ZFAT: variants seen among roughly 807,000 people sequenced by gnomAD.
ZFAT encodes the protein zinc finger protein ZFAT.
ZFAT carries 64 observed loss-of-function variants against 117.7 expected under a neutral mutation model. The ratio of observed to expected loss-of-function variants is 0.54; its 90% CI spans 0.44 to 0.67. ZFAT has a LOEUF of 0.67. ZFAT is among the 30% of genes least tolerant of loss of function. The pLI is 0.00. For synonymous variants in ZFAT, 679 were observed against 615.0 expected (o/e 1.10, Z -1.54); for missense variants, 1,433 against 1,584.5 (o/e 0.90, Z 1.62).
In ZFAT at chr8:134,565,387, T is replaced by G. The variant is rs753397896; in HGVS notation, c.2922A>C (p.Thr974=). Residue 974 remains threonine (T), a synonymous_variant, in exon 11 of 16, where the codon ACA becomes ACC. Transcript: ENST00000377838. ...KQFKCTVCDY[T]AAQKPQLLRH... ...GCAGCAGCTGTGGCTTCTGGGCCGC[T>G]GTGTAGTCACACACCGTGCACTTAA... The G allele has an allele frequency of 5.6e-6, 9 of 1,613,822 alleles. No homozygotes were observed. Among genetic ancestry groups the G allele is most frequent in the Non-Finnish European group, 7.6e-6 (9 of 1,179,892 alleles).
At position 134,610,328 on chromosome 8, in the gene ZFAT, C is replaced by T. The variant is rs144464523; in HGVS notation, c.634+142G>A. 7.3e-5 allele frequency: 68 copies of T among 928,286 alleles called. No individual in the cohort carries two copies. The African/African-American group carries it at 1.0e-3, about 14-fold the overall frequency. The allele number at this position is 928,286 out of a possible 1,614,324, so 57.5% of individuals were successfully genotyped here. On this transcript the variant is annotated intron_variant, in intron 4 of 15. Coordinates refer to ENST00000377838, the MANE Select transcript of ZFAT (RefSeq NM_020863.4). Reference sequence around the variant, plus strand: ...CACCTGGGCAGTAAGTAAGTCTCATCCTCTCAAATTAGTGGGTGATTAAAT... The same window carrying T: ...CACCTGGGCAGTAAGTAAGTCTCATTCTCTCAAATTAGTGGGTGATTAAAT...
chr8:134,530,247 T>A (rs1394941576), intron 12 of ZFAT, among the ~76,000 whole-genome samples: 2 of 152,146 alleles, frequency 1.3e-5, no homozygotes, highest in African/African-American at 2.4e-5. Flanking sequence ...TATCAAAACA[T>A]GAAATTATAA....
intron 15 of ZFAT, among the ~76,000 whole-genome samples, chr8:134,501,573 C>T (rs1297071033): frequency 6.6e-6 from 1 of 152,052 alleles, no homozygotes; most frequent in Non-Finnish European, 1.5e-5. Context: ...ACTGAAGATG[C>T]TAGGGTTCCA....
chr8:134,747,966 A>C, the ZFAT span, among the ~76,000 whole-genome samples: 1 of 152,244 alleles, frequency 6.6e-6, no homozygotes, highest in South Asian at 2.1e-4. Flanking sequence ...CTGATAATAA[A>C]TGTGCACAGT....
Position 134,712,952 on chromosome 8 carries a change from C to A in ZFAT, c.-89G>T. On this transcript the variant is annotated 5_prime_UTR_variant, in exon 1 of 16. Transcript: ENST00000377838. ...CCGAGGGGGCGGGGCGCCCTGCTGA[C>A]GCTTCGCTTTTTATTTTTATTTTTT... is the stretch of plus-strand genomic sequence containing the variant. 7.2e-7 allele frequency: 1 copy of A among 1,381,914 alleles called. No homozygotes were observed. 85.6% of individuals were successfully genotyped at this position (1,381,914 alleles called of 1,614,324 possible).
At chr8:134,527,205 G>T (rs1214160664) in intron 12 of ZFAT, among the ~76,000 whole-genome samples, 2 of 152,160 alleles carry the variant, frequency 1.3e-5, no homozygotes, top group African/African-American at 4.8e-5. Context: ...GCTAGAAAAG[G>T]CCAGGAAAGG....
At chr8:134,555,969 A>AGGGAGGGAGGGAAGGAGGGAAGGC (rs1823565626) in intron 11 of ZFAT, among the ~76,000 whole-genome samples, 1 of 118,462 alleles carries the variant, frequency 8.4e-6, no homozygotes, top group Non-Finnish European at 1.7e-5. Flanking sequence ...GGAGGGAAGG[A>AGGGAGGGAGGGAAGGAGGGAAGGC]GGGAGGGAGG....
At chr8:134,507,706 G>T (rs1819517751) in intron 15 of ZFAT, among the ~76,000 whole-genome samples, 1 of 152,148 alleles carries the variant, frequency 6.6e-6, no homozygotes, top group South Asian at 2.1e-4. Flanking sequence ...GTGTATCACT[G>T]CATTGCCTGC....
At chr8:134,805,833 T>C in the ZFAT span, among the ~76,000 whole-genome samples, 20 of 151,992 alleles carry the variant, frequency 1.3e-4, no homozygotes, top group East Asian at 3.9e-3. Flanking sequence ...ATACAACATA[T>C]TAGCTGGGTG....
chr8:134,720,668 A>C, the ZFAT span, among the ~76,000 whole-genome samples: 1 of 152,216 alleles, frequency 6.6e-6, no homozygotes, highest in Non-Finnish European at 1.5e-5. Flanking sequence ...ACCTTGCAGA[A>C]AGCACCGCAG....
intron 11 of ZFAT, among the ~76,000 whole-genome samples, chr8:134,561,428 CA>C (rs1230673589): frequency 2.0e-5 from 3 of 151,142 alleles, no homozygotes; most frequent in African/African-American, 7.3e-5. Flanking sequence ...CGATTTCCAT[CA>C]AAAAGAAAAA....
the ZFAT span, among the ~76,000 whole-genome samples, chr8:134,810,454 T>C: frequency 1.3e-5 from 2 of 152,200 alleles, no homozygotes; most frequent in South Asian, 2.1e-4. Flanking sequence ...TTCTAGTAAA[T>C]AATCTACTTC....
chr8:134,671,535 C>G (rs1832562697), intron 1 of ZFAT, among the ~76,000 whole-genome samples: 1 of 152,084 alleles, frequency 6.6e-6, no homozygotes, highest in Non-Finnish European at 1.5e-5. Context: ...CAGAAAAGGC[C>G]TTCAACAAAA....
At chr8:134,730,944 T>A in the ZFAT span, among the ~76,000 whole-genome samples, 2 of 152,204 alleles carry the variant, frequency 1.3e-5, no homozygotes, top group South Asian at 4.1e-4. Context: ...TCCTAAGAGA[T>A]CAGAAGTATC....
the ZFAT span, among the ~76,000 whole-genome samples, chr8:134,818,533 G>A: frequency 6.6e-6 from 1 of 152,196 alleles, no homozygotes; most frequent in African/African-American, 2.4e-5. Context: ...GGCAGTTTAA[G>A]AAGAAACTAG....
In ZFAT at chr8:134,592,200, G is replaced by T. The variant is rs143917046; in HGVS notation, c.2476-1845C>A. Among the ~76,000 whole-genome samples, 223 of 152,308 alleles carry T rather than the reference G, an allele frequency of 1.5e-3. 1 individual carries two copies. Among genetic ancestry groups the T allele is most frequent in the African/African-American group, 5.1e-3 (211 of 41,566 alleles). ...AGGCACCAAGTGTGTTCCACGCCTTGTGTGATGAATGCTCTCCTCACTGTG... is the reference window on the plus strand; with the variant it reads ...AGGCACCAAGTGTGTTCCACGCCTTTTGTGATGAATGCTCTCCTCACTGTG... On this transcript the variant is annotated intron_variant, in intron 7 of 15. Transcript: ENST00000377838.
chr8:134,634,165 T>C (rs1392091379), intron 3 of ZFAT, among the ~76,000 whole-genome samples: 1 of 152,142 alleles, frequency 6.6e-6, no homozygotes, highest in Non-Finnish European at 1.5e-5. Context: ...AACTGTAGCA[T>C]AAAAAAGCGC....
the ZFAT span, among the ~76,000 whole-genome samples, chr8:134,735,530 T>C: frequency 6.6e-6 from 1 of 152,242 alleles, no homozygotes; most frequent in Non-Finnish European, 1.5e-5. Flanking sequence ...GTATTTCCAT[T>C]AAAACAGCAG....
the ZFAT span, chr8:134,804,984 A>T: frequency 1.9e-6 from 1 of 523,658 alleles, no homozygotes; most frequent in Non-Finnish European, 3.9e-6. Flanking sequence ...AGGAACAGAC[A>T]TAAATGTTGC....
Sources: gnomAD v4.1 joint callset for allele counts (sites outside exome capture counted in the v4.1 genomes callset) on GRCh38, gnomAD v4.1.1 for gene constraint, MANE v1.5 for transcripts, NCBI Gene and HGNC (gene_info 2026-07-23, HGNC 2026-07-21) for gene names.